The following TCF7L2 variants were observed in gnomAD, a reference collection of about 807,000 sequenced individuals.
TCF7L2 encodes transcription factor 7 like 2.
In TCF7L2, 23 loss-of-function variants were observed where a neutral mutation model predicts 77.9. That is an observed-to-expected ratio of 0.30 (90% CI 0.21 to 0.42). TCF7L2 has a LOEUF of 0.42. TCF7L2 is among the 10% of genes least tolerant of loss of function. The pLI, the probability that TCF7L2 is intolerant of heterozygous loss-of-function variation, is 1.00. For synonymous variants in TCF7L2, 413 were observed against 340.2 expected (o/e 1.21, Z -2.36); for missense variants, 654 against 793.1 (o/e 0.82, Z 2.11).
intron 4 of TCF7L2, among the ~76,000 whole-genome samples, chr10:113,000,747 A>G (rs1023973609): frequency 3.9e-5 from 6 of 152,166 alleles, no homozygotes. Flanking sequence ...CTCTGGGTAC[A>G]TGAGTGTGAG....
chr10:112,980,424 G>C (rs2040254085), intron 4 of TCF7L2, among the ~76,000 whole-genome samples: 1 of 152,158 alleles, frequency 6.6e-6, no homozygotes, highest in East Asian at 1.9e-4. Context: ...TACTTAATTT[G>C]ATACAGAAAT....
At chr10:112,976,767 C>T (rs771351400) in intron 4 of TCF7L2, among the ~76,000 whole-genome samples, 37 of 152,100 alleles carry the variant, frequency 2.4e-4, no homozygotes, top group African/African-American at 8.0e-4. Context: ...GATGAGTGTT[C>T]GACCACTTTG....
intron 5 of TCF7L2, among the ~76,000 whole-genome samples, chr10:113,048,189 GT>G (rs1323596139): frequency 6.6e-6 from 1 of 151,908 alleles, no homozygotes; most frequent in Non-Finnish European, 1.5e-5. Context: ...GTGGGAGCCT[GT>G]TTTAAATTAA....
chr10:113,093,217 G>A (rs2060586034), intron 5 of TCF7L2, among the ~76,000 whole-genome samples: 1 of 152,162 alleles, frequency 6.6e-6, no homozygotes, highest in Non-Finnish European at 1.5e-5. Flanking sequence ...AACCTTGATA[G>A]CAACCTTATG....
At position 112,978,225 on chromosome 10, in the gene TCF7L2, G is replaced by T. The variant is rs181946692; in HGVS notation, c.450+13601G>T. Among the ~76,000 whole-genome samples, 31 of 152,258 alleles carry T rather than the reference G, an allele frequency of 2.0e-4. No individual in the cohort carries two copies. The South Asian group carries it at 6.2e-3, about 31-fold the overall frequency. ...GCATATTTGAAATGGAGTCTAGAAG[G>T]TCTTGTCTATTTAAAAATCTCCCTC... On this transcript the variant is annotated intron_variant, in intron 4 of 13. Coordinates refer to ENST00000627217, the MANE Select transcript of TCF7L2 (RefSeq NM_001146274.2).
At chr10:113,126,582 C>G (rs189966089) in intron 5 of TCF7L2, 1 of 985,138 alleles carries the variant, frequency 1.0e-6, no homozygotes, top group Admixed American at 6.1e-5. Flanking sequence ...TAAACGCCCC[C>G]TCCCTTTTGT....
At chr10:113,036,122 CATCATCAT>C (rs1564810795) in intron 4 of TCF7L2, among the ~76,000 whole-genome samples, 2 of 36,064 alleles carry the variant, frequency 5.5e-5, no homozygotes, top group African/African-American at 3.2e-4. Flanking sequence ...TCACCATCAT[CATCATCAT>C]CATCATCATC....
intron 4 of TCF7L2, among the ~76,000 whole-genome samples, chr10:112,991,463 G>A (rs796731873): frequency 3.1e-4 from 47 of 150,630 alleles, no homozygotes; most frequent in African/African-American, 1.1e-3. Flanking sequence ...AGCCGAGATC[G>A]CCCCACTGCA....
chr10:113,052,960 A>T (rs746910693), intron 5 of TCF7L2, among the ~76,000 whole-genome samples: 5 of 152,202 alleles, frequency 3.3e-5, no homozygotes, highest in African/African-American at 4.8e-5. Context: ...TTTTAAAAAG[A>T]TACAAACGAA....
chr10:112,973,551 G>T (rs2038746698), intron 4 of TCF7L2, among the ~76,000 whole-genome samples: 1 of 152,010 alleles, frequency 6.6e-6, no homozygotes, highest in Admixed American at 6.6e-5. Flanking sequence ...TCACACTAGA[G>T]AACAACTATT....
intron 4 of TCF7L2, among the ~76,000 whole-genome samples, chr10:112,965,267 C>T (rs1036652959): frequency 1.3e-4 from 20 of 152,198 alleles, no homozygotes; most frequent in African/African-American, 4.1e-4. Context: ...TCACGTAGTA[C>T]TTCCATTCTC....
rs1467987399 is a variant in TCF7L2, at chr10:113,159,744, GA to G, written c.1319-872del. 4.0e-5 allele frequency among the ~76,000 whole-genome samples: 6 copies of G among 148,390 alleles called. No homozygotes were observed. In the East Asian group the frequency reaches 1.2e-3, roughly 29 times the overall value. ...TTTTAATTAAAGAAAGTTAAAAAAC[GA>G]AAGTCAATATTTTGCAATTAGTAAC... On this transcript the variant is annotated intron_variant, in intron 12 of 13. Coordinates refer to ENST00000627217, the MANE Select transcript of TCF7L2 (RefSeq NM_001146274.2).
intron 5 of TCF7L2, among the ~76,000 whole-genome samples, chr10:113,050,438 G>A (rs1378082365): frequency 6.6e-6 from 1 of 152,162 alleles, no homozygotes; most frequent in Non-Finnish European, 1.5e-5. Flanking sequence ...TTCCTGGAAA[G>A]TTAGACCCAA....
intron 5 of TCF7L2, among the ~76,000 whole-genome samples, chr10:113,091,299 G>A (rs1016267048): frequency 1.3e-5 from 2 of 152,134 alleles, no homozygotes; most frequent in African/African-American, 4.8e-5. Context: ...TACCTCATAC[G>A]GTTTTGCAAT....
intron 5 of TCF7L2, among the ~76,000 whole-genome samples, chr10:113,117,104 A>G (rs2063817172): frequency 6.6e-6 from 1 of 152,204 alleles, no homozygotes; most frequent in South Asian, 2.1e-4. Context: ...TAGAAAGTTG[A>G]GGTTGGCTGT....
intron 4 of TCF7L2, among the ~76,000 whole-genome samples, chr10:112,975,285 C>G (rs1050854782): frequency 1.3e-5 from 2 of 152,056 alleles, no homozygotes; most frequent in African/African-American, 4.8e-5. Context: ...CTTGGTTATA[C>G]CACATTCCAC....
At chr10:113,157,397 C>T (rs898497330) in intron 11 of TCF7L2, among the ~76,000 whole-genome samples, 6 of 152,184 alleles carry the variant, frequency 3.9e-5, no homozygotes, top group Admixed American at 2.6e-4. Context: ...GGATTATAGG[C>T]GTCAGCCACT....
chr10:113,055,347 G>T (rs1283090741), intron 5 of TCF7L2, among the ~76,000 whole-genome samples: 2 of 152,080 alleles, frequency 1.3e-5, no homozygotes, highest in Admixed American at 1.3e-4. Flanking sequence ...TACCTAATTT[G>T]CCTTTATTTG....
chr10:112,968,322 C>T (rs996496214), intron 4 of TCF7L2, among the ~76,000 whole-genome samples: 2 of 152,176 alleles, frequency 1.3e-5, no homozygotes, highest in Admixed American at 6.6e-5. Flanking sequence ...CCTCCTCTTC[C>T]TCCTCAGCCA....
Sources: gnomAD v4.1 joint callset for allele counts (sites outside exome capture counted in the v4.1 genomes callset) on GRCh38, gnomAD v4.1.1 for gene constraint, MANE v1.5 for transcripts, NCBI Gene and HGNC (gene_info 2026-07-23, HGNC 2026-07-21) for gene names.